The following LYZL1 variants were observed in gnomAD, a reference collection of about 807,000 sequenced individuals.
LYZL1 encodes lysozyme like 1.
In LYZL1, 16 loss-of-function variants were observed where a neutral mutation model predicts 17.9. The observed-to-expected ratio is 0.90, with a 90% CI of 0.61 to 1.36. The LOEUF is 1.36. Ranked by LOEUF, LYZL1 falls within the 40% of genes most tolerant of loss-of-function variation. LYZL1 has a pLI of 0.00. For synonymous variants in LYZL1, 58 were observed against 71.8 expected (o/e 0.81, Z 0.97); for missense variants, 149 against 188.4 (o/e 0.79, Z 1.22).
At chr10:29,313,605 C>T (rs1421943783), downstream of LYZL1, among the ~76,000 whole-genome samples, 1 of 152,210 alleles carries the variant, frequency 6.6e-6, no homozygotes, top group Non-Finnish European at 1.5e-5. Context: ...TACTCTTCCC[C>T]TTCCCCCATG....
At chr10:29,311,471 A>T (rs937352946), downstream of LYZL1, among the ~76,000 whole-genome samples, 1 of 152,082 alleles carries the variant, frequency 6.6e-6, no homozygotes, top group East Asian at 1.9e-4. Context: ...GAGGGGCCGA[A>T]TCCCCTTAAG....
chr10:29,305,900 A>G (rs1455081572), intron 3 of LYZL1, among the ~76,000 whole-genome samples: 1 of 152,246 alleles, frequency 6.6e-6, no homozygotes, highest in Non-Finnish European at 1.5e-5. Flanking sequence ...GCTCGAGGGA[A>G]AATTCCACTT....
At chr10:29,296,582 T>A (rs1835449067) in intron 3 of LYZL1, among the ~76,000 whole-genome samples, 1 of 152,192 alleles carries the variant, frequency 6.6e-6, no homozygotes, top group Non-Finnish European at 1.5e-5. Flanking sequence ...AACTGAGACC[T>A]CAACAATCTT....
intron 3 of LYZL1, among the ~76,000 whole-genome samples, chr10:29,304,674 G>T (rs1835567581): frequency 6.6e-6 from 1 of 152,072 alleles, no homozygotes; most frequent in African/African-American, 2.4e-5. Flanking sequence ...ACAATTACTG[G>T]CAAGAGTCCT....
chr10:29,289,813 GATA>G (rs1448694641), intron 1 of LYZL1, among the ~76,000 whole-genome samples: 2 of 152,156 alleles, frequency 1.3e-5, no homozygotes, highest in Non-Finnish European at 2.9e-5. Flanking sequence ...AAAAGGGCCA[GATA>G]ATAATATGTT....
intron 3 of LYZL1, among the ~76,000 whole-genome samples, chr10:29,309,397 T>C (rs1835640654): frequency 6.6e-6 from 1 of 152,026 alleles, no homozygotes; most frequent in African/African-American, 2.4e-5. Context: ...TAAGGCACAA[T>C]ATGAAATGAC....
At position 29,292,617 on chromosome 10, in the gene LYZL1, T is replaced by G; in HGVS notation, c.238T>G (p.Phe80Val). The change falls in exon 3 of 5, where the codon TTC (phenylalanine) becomes GTC (valine). Residue 80 changes from phenylalanine (F) to valine (V), a missense_variant. Around this residue, in one of 2 missense-constraint regions of LYZL1, gnomAD observed 130 missense variants for 132.5 expected, o/e 0.98. Transcript: ENST00000649382. The stretch of plus-strand genomic sequence containing the variant: ...CTATGGCATCTTCCAGATCAACAGC[T>G]TCGCGTGGTGCAGACGCGGAAAGCT... The part of the protein sequence containing the change: ...IDYGIFQINS[F>V]AWCRRGKLKE... 1 of 1,614,260 alleles carries G rather than the reference T, an allele frequency of 6.2e-7. No homozygotes were observed. The highest frequency in any genetic ancestry group is 8.5e-7 in the Non-Finnish European group (1 of 1,180,054).
intron 3 of LYZL1, among the ~76,000 whole-genome samples, chr10:29,305,458 A>G (rs1383398909): frequency 2.0e-5 from 3 of 152,218 alleles, no homozygotes; most frequent in Non-Finnish European, 4.4e-5. Flanking sequence ...ACCTTGGTTT[A>G]TGGGGATAAA....
chr10:29,301,144 T>C (rs1835513248), intron 3 of LYZL1, among the ~76,000 whole-genome samples: 1 of 152,144 alleles, frequency 6.6e-6, no homozygotes, highest in Admixed American at 6.5e-5. Flanking sequence ...CCGGCACTGT[T>C]CTCTTGATAG....
At chr10:29,311,594 G>C (rs1226312538), downstream of LYZL1, among the ~76,000 whole-genome samples, 1 of 152,174 alleles carries the variant, frequency 6.6e-6, no homozygotes, top group East Asian at 1.9e-4. Context: ...TTCACTGTTT[G>C]ATATTGAAAT....
At chr10:29,299,309 G>GA (rs1440036965) in intron 3 of LYZL1, among the ~76,000 whole-genome samples, 2 of 152,098 alleles carry the variant, frequency 1.3e-5, no homozygotes, top group African/African-American at 4.8e-5. Flanking sequence ...GGGGGTTGGG[G>GA]ATCCCTGGTC....
chr10:29,316,023 G>A (rs527503647), downstream of LYZL1, among the ~76,000 whole-genome samples: 82 of 152,226 alleles, frequency 5.4e-4, 1 homozygote, highest in African/African-American at 1.8e-3. Context: ...ATCCCCCAGC[G>A]CTTGGGCTGC....
At chr10:29,316,650 A>G (rs1353050160) in intron 3 of LYZL1, among the ~76,000 whole-genome samples, 1 of 151,534 alleles carries the variant, frequency 6.6e-6, no homozygotes, top group Admixed American at 6.6e-5. Context: ...AACTGCTATT[A>G]ATATATTTTG....
At chr10:29,313,912 C>T (rs1467222379), downstream of LYZL1, among the ~76,000 whole-genome samples, 1 of 152,136 alleles carries the variant, frequency 6.6e-6, no homozygotes, top group African/African-American at 2.4e-5. Flanking sequence ...TATGTGGGTA[C>T]ATTCTTTCTG....
Position 29,291,825 on chromosome 10 carries a change from T to C in LYZL1, c.-25-18T>C. ...CCTGAACCAAGATCGTCTGACCTGT[T>C]CTCCGGCTCTTTGGCAGGTTCTGTC... On this transcript the variant is annotated intron_variant, in intron 1 of 4. Transcript: ENST00000649382. The C allele has an allele frequency of 6.5e-7, 1 of 1,547,120 alleles. No homozygotes were observed. The highest frequency in any genetic ancestry group is 8.8e-7 in the Non-Finnish European group (1 of 1,135,586).
In LYZL1 at chr10:29,310,098, T is replaced by C; in HGVS notation, c.299-12T>C. ...AGTCTCGCCTAACCCTGATGTCTTC[T>C]CTCTTTTACAGCCTTGATCACTGAT... is the stretch of plus-strand genomic sequence containing the variant. On this transcript the variant is annotated splice_polypyrimidine_tract_variant and intron_variant, in intron 3 of 4. Transcript: ENST00000649382. 2 of 1,601,804 alleles carry C rather than the reference T, an allele frequency of 1.2e-6. No individual in the cohort carries two copies. The highest frequency in any genetic ancestry group is 1.7e-6 in the Non-Finnish European group (2 of 1,169,790).
chr10:29,308,548 C>T (rs1297882365), intron 3 of LYZL1, among the ~76,000 whole-genome samples: 2 of 152,160 alleles, frequency 1.3e-5, no homozygotes, highest in African/African-American at 2.4e-5. Flanking sequence ...TTTTATTTGC[C>T]GTTTTCTGTC....
chr10:29,289,417 C>CTTTTTTTTTTT (rs11347424), intron 1 of LYZL1, among the ~76,000 whole-genome samples, 187 bp downstream of exon 1: 2 of 128,734 alleles, frequency 1.6e-5, no homozygotes, highest in African/African-American at 3.1e-5. Context: ...TTTTTCTTTT[C>CTTTTTTTTTTT]TTTTTTTTTT....
intron 1 of LYZL1, among the ~76,000 whole-genome samples, chr10:29,290,025 C>T (rs372975151): frequency 0.014 from 2,192 of 152,278 alleles, 50 homozygotes; most frequent in African/African-American, 0.049. Flanking sequence ...CAGTTCCTTA[C>T]CTTATTGCTT....
Sources: gnomAD v4.1 joint callset for allele counts (sites outside exome capture counted in the v4.1 genomes callset) on GRCh38, gnomAD v4.1.1 for gene constraint, gnomAD v4.1.1 regional missense constraint, MANE v1.5 for transcripts, NCBI Gene and HGNC (gene_info 2026-07-23, HGNC 2026-07-21) for gene names.